The following PLOD3 variants were observed in gnomAD, a reference collection of about 807,000 sequenced individuals.
PLOD3 encodes multifunctional procollagen lysine hydroxylase and glycosyltransferase LH3.
In PLOD3, 73 loss-of-function variants were observed where a neutral mutation model predicts 96.9. The observed-to-expected ratio is 0.75, with a 90% CI of 0.62 to 0.92. The LOEUF (loss-of-function observed/expected upper bound fraction) is 0.92. Among genes scored for constraint, PLOD3 ranks in the 40% least tolerant of loss-of-function variants. PLOD3 has a pLI of 0.00. For missense variants in PLOD3, 1,004 were observed against 1,004.3 expected, an observed-to-expected ratio of 1.00 and a Z score of 0.00; for synonymous variants, 454 against 413.7, an observed-to-expected ratio of 1.10 and a Z score of -1.18.
intron 11 of PLOD3, 34 bp from the exon 12 acceptor site, chr7:101,211,750 G>A (rs2301904): frequency 2.2e-5 from 35 of 1,596,840 alleles, no homozygotes; most frequent in East Asian, 6.8e-5. Flanking sequence ...CTGGGCAGAC[G>A]GGAGCAGGCC....
In PLOD3 at chr7:101,206,190, A is replaced by T. The variant is rs995288947; in HGVS notation, c.*91T>A. On this transcript the variant is annotated 3_prime_UTR_variant, in exon 19 of 19. Coordinates refer to ENST00000223127, the MANE Select transcript of PLOD3 (RefSeq NM_001084.5). ...GAACATGAACTCAGGAAGTGGGGAGACAGAGAGACCCATCCCCCAACTCCC... is the reference window on the plus strand; with the variant it reads ...GAACATGAACTCAGGAAGTGGGGAGTCAGAGAGACCCATCCCCCAACTCCC... The T allele has an allele frequency of 7.9e-7, 1 of 1,261,364 alleles. No homozygotes were observed. 78.1% of individuals were successfully genotyped at this position (1,261,364 alleles called of 1,614,324 possible).
At chr7:101,206,716 C>G (rs970856668) in intron 18 of PLOD3, 63 bp downstream of exon 18, 3 of 1,537,276 alleles carry the variant, frequency 2.0e-6, no homozygotes, top group Non-Finnish European at 2.6e-6. Context: ...CACGCAGGGG[C>G]TCTAGGTGGG....
chr7:101,208,746 C>T (rs188854533), intron 16 of PLOD3, 107 bp downstream of exon 16: 16 of 764,422 alleles, frequency 2.1e-5, no homozygotes, highest in South Asian at 1.3e-4. Flanking sequence ...CTGCCTCCCC[C>T]CTGGGAACCC....
At chr7:101,216,907 T>C in intron 1 of PLOD3, 121 bp from the exon 2 acceptor site, 1 of 812,956 alleles carries the variant, frequency 1.2e-6, no homozygotes, top group Non-Finnish European at 2.1e-6. Flanking sequence ...TAAACTCTTC[T>C]CACCCAGGAA....
chr7:101,206,374 T>G lies in PLOD3; in HGVS notation c.2124A>C (p.Ala708=). The change falls in exon 19 of 19, where the codon GCA becomes GCC. Residue 708 remains alanine (A), a synonymous_variant. Transcript: ENST00000223127. ...GGGTGAGGCGGCCGGGGTGCAGGAG[T>G]GCCCAGCCCTTCCTCGGGGAGGAGA... is the stretch of plus-strand genomic sequence containing the variant. ...CVISSPRKGW[A]LLHPGRLTHY... 1.2e-6 allele frequency: 2 copies of G among 1,613,202 alleles called. No homozygotes were observed. The highest frequency in any genetic ancestry group is 4.5e-5 in the East Asian group (2 of 44,848).
chr7:101,212,008 A>T, intron 10 of PLOD3, 58 bp from the exon 11 acceptor site: 1 of 1,219,078 alleles, frequency 8.2e-7, no homozygotes, highest in Admixed American at 1.9e-5. Flanking sequence ...TGGATGGGGT[A>T]ACTGGCCCAT....
chr7:101,216,788 T>C lies in PLOD3; in HGVS notation c.110-2A>G. 1 of 1,610,062 alleles carries C rather than the reference T, an allele frequency of 6.2e-7. No individual in the cohort carries two copies. The highest frequency in any genetic ancestry group is 8.5e-7 in the Non-Finnish European group (1 of 1,176,470). ...CCACAGTGATCACCAGCAGCTTCTC[T>C]GTTACCAGAGGGAAATGGCACTTGA... On this transcript the variant is annotated splice_acceptor_variant, in intron 1 of 18. Coordinates refer to ENST00000223127, the MANE Select transcript of PLOD3 (RefSeq NM_001084.5). LOFTEE classifies it high-confidence loss of function.
At position 101,210,547 on chromosome 7, in the gene PLOD3, CT is replaced by C; in HGVS notation, c.1484del (p.Lys495ArgfsTer12). 1 of 1,614,214 alleles carries C rather than the reference CT, an allele frequency of 6.2e-7. No homozygotes were observed. Among genetic ancestry groups the C allele is most frequent in the South Asian group, 1.1e-5 (1 of 91,084 alleles). ...SDTDPDMAFC[K>X]SFRDKGIFLH... Reference sequence around the variant, plus strand: ...CCGCGCTCACCTTGTCTCGAAAGCTCTTACAGAAGGCCATGTCCGGGTCTGT... The same window carrying C: ...CCGCGCTCACCTTGTCTCGAAAGCTCTACAGAAGGCCATGTCCGGGTCTGT... On this transcript the variant is annotated frameshift_variant, in exon 13 of 19. Transcript: ENST00000223127. LOFTEE classifies it high-confidence loss of function.
In PLOD3 at chr7:101,206,198, A is replaced by T; in HGVS notation, c.*83T>A. 6 of 1,321,820 alleles carry T rather than the reference A, an allele frequency of 4.5e-6. No homozygotes were observed. The highest frequency in any genetic ancestry group is 6.6e-6 in the Non-Finnish European group (6 of 914,174). 81.9% of individuals were successfully genotyped at this position (1,321,820 alleles called of 1,614,324 possible). On this transcript the variant is annotated 3_prime_UTR_variant, in exon 19 of 19. Coordinates refer to ENST00000223127, the MANE Select transcript of PLOD3 (RefSeq NM_001084.5). ...ACTCAGGAAGTGGGGAGACAGAGAG[A>T]CCCATCCCCCAACTCCCAGGACGGG...
Position 101,211,841 on chromosome 7 carries a change from G to A in PLOD3, c.1232+5C>T. 2 of 1,608,862 alleles carry A rather than the reference G, an allele frequency of 1.2e-6. No homozygotes were observed. The highest frequency in any genetic ancestry group is 1.7e-6 in the Non-Finnish European group (2 of 1,176,570). ...CTCCGGCTGCGGGGAGAGGGGGTAAGCCACCTGTTCTCCTCAATGAGGATA... is the reference window on the plus strand; with the variant it reads ...CTCCGGCTGCGGGGAGAGGGGGTAAACCACCTGTTCTCCTCAATGAGGATA... On this transcript the variant is annotated splice_donor_5th_base_variant and intron_variant, in intron 11 of 18. Coordinates refer to ENST00000223127, the MANE Select transcript of PLOD3 (RefSeq NM_001084.5).
rs141465522 is a variant in PLOD3, at chr7:101,208,811, C to T, written c.1788+42G>A. On this transcript the variant is annotated intron_variant, in intron 16 of 18. Transcript: ENST00000223127. ...GTTTGTTTACCAGATCCTGCACCTC[C>T]TCCTCTGGGAAGGCCTCTGCCCTCC... 504 of 1,271,628 alleles carry T rather than the reference C, an allele frequency of 4.0e-4. 3 individuals are homozygous for T. The African/African-American group carries it at 6.6e-3, about 17-fold the overall frequency. 78.8% of individuals were successfully genotyped at this position (1,271,628 alleles called of 1,614,324 possible).
chr7:101,211,369 T>C (rs893277728), intron 12 of PLOD3: 42 of 554,594 alleles, frequency 7.6e-5, no homozygotes, highest in African/African-American at 1.5e-4. Flanking sequence ...TTTGTAGAGA[T>C]AGGCTCTTGC....
At chr7:101,210,865 G>T (rs1798171342) in intron 12 of PLOD3, 192 bp from the exon 13 acceptor site, 2 of 607,928 alleles carry the variant, frequency 3.3e-6, no homozygotes, top group Non-Finnish European at 5.8e-6. Flanking sequence ...CCCAAGCTGT[G>T]GCACTTCTTT....
In PLOD3 at chr7:101,206,781, C is replaced by T; in HGVS notation, c.2059G>A (p.Glu687Lys). Residue 687 changes from glutamate (E) to lysine (K), a missense_variant and splice_region_variant, in exon 18 of 19, where the codon GAG becomes AAG. Around this residue, in one of 5 missense-constraint regions of PLOD3, gnomAD observed 222 missense variants for 220.4 expected, o/e 1.01. Transcript: ENST00000223127. ...VALNHKGLDY[E>K]GGGCRFLRYD... ...TGGGTAGTGTGACTGGGGCGCACCTCATAGTCCAGGCCCTTGTGGTTGAGG... is the reference window on the plus strand; with the variant it reads ...TGGGTAGTGTGACTGGGGCGCACCTTATAGTCCAGGCCCTTGTGGTTGAGG... 6.3e-7 allele frequency: 1 copy of T among 1,582,992 alleles called. No individual in the cohort carries two copies. The highest frequency in any genetic ancestry group is 1.3e-5 in the African/African-American group (1 of 74,474).
chr7:101,209,595 T>A (rs1216565463), intron 15 of PLOD3, among the ~76,000 whole-genome samples: 1 of 151,316 alleles, frequency 6.6e-6, no homozygotes, highest in African/African-American at 2.4e-5. Flanking sequence ...ATTTGCCATG[T>A]TGGCCAGGCT....
intron 6 of PLOD3, among the ~76,000 whole-genome samples, chr7:101,214,348 C>T (rs1421582589): frequency 6.6e-6 from 1 of 151,908 alleles, no homozygotes; most frequent in Non-Finnish European, 1.5e-5. Context: ...CCAGGCTGGT[C>T]TCAAACTCCT....
At chr7:101,212,719 C>T in intron 8 of PLOD3, 64 bp from the exon 9 acceptor site, 1 of 1,607,554 alleles carries the variant, frequency 6.2e-7, no homozygotes, top group Non-Finnish European at 8.5e-7. Flanking sequence ...CCCCACCCAA[C>T]CTCCACCCTG....
intron 12 of PLOD3, chr7:101,211,207 G>A: frequency 4.5e-6 from 1 of 220,494 alleles, no homozygotes; most frequent in Non-Finnish European, 9.0e-6. Flanking sequence ...TTGAGAAAGG[G>A]TCTCCCTCTG....
intron 10 of PLOD3, 48 bp from the exon 11 acceptor site, chr7:101,211,998 T>A: frequency 7.6e-7 from 1 of 1,322,762 alleles, no homozygotes; most frequent in Non-Finnish European, 1.1e-6. Context: ...GGAGGCGGTG[T>A]GGATGGGGTA....
Sources: allele counts gnomAD v4.1 joint callset (sites outside exome capture counted in the v4.1 genomes callset), GRCh38; gene constraint gnomAD v4.1.1; regional missense constraint gnomAD v4.1.1; transcripts MANE v1.5; gene names NCBI Gene and HGNC (gene_info 2026-07-23, HGNC 2026-07-21).